Variants in PRKCA observed in about 807,000 individuals in gnomAD.
The protein encoded by PRKCA is protein kinase C alpha, also known as protein kinase C alpha type.
In PRKCA, 27 loss-of-function variants were observed where a neutral mutation model predicts 87.0. The ratio of observed to expected loss-of-function variants is 0.31; its 90% confidence interval spans 0.23 to 0.43. The LOEUF (loss-of-function observed/expected upper bound fraction) is 0.43. Among genes scored for constraint, PRKCA ranks in the 20% least tolerant of loss-of-function variants. The pLI is 1.00. For synonymous variants in PRKCA, 329 were observed against 311.1 expected, an observed-to-expected ratio of 1.06 and a Z score of -0.61; for missense variants, 518 against 852.3, an observed-to-expected ratio of 0.61 and a Z score of 4.88.
chr17:66,610,025 A>G (rs980228257), intron 3 of PRKCA, among the ~76,000 whole-genome samples: 10 of 151,962 alleles, frequency 6.6e-5, no homozygotes, highest in Admixed American at 1.3e-4. Flanking sequence ...GTCCGACAAG[A>G]TAAGGGTTCA....
At chr17:66,780,479 C>T (rs2144356405) in intron 14 of PRKCA, among the ~76,000 whole-genome samples, 1 of 152,200 alleles carries the variant, frequency 6.6e-6, no homozygotes, top group East Asian at 1.9e-4. Flanking sequence ...GTTTGTAGAC[C>T]AGCCTGGCCA....
At chr17:66,704,360 T>C (rs1973140542) in intron 8 of PRKCA, among the ~76,000 whole-genome samples, 7 of 152,214 alleles carry the variant, frequency 4.6e-5, no homozygotes, top group Admixed American at 4.6e-4. Context: ...TTAGAGTTGT[T>C]AGTGTACTAG....
chr17:66,428,233 T>C (rs1912915655), intron 2 of PRKCA, among the ~76,000 whole-genome samples: 1 of 152,180 alleles, frequency 6.6e-6, no homozygotes, highest in South Asian at 2.1e-4. Context: ...ATAGATTGAT[T>C]TGATGGCAGG....
intron 16 of PRKCA, among the ~76,000 whole-genome samples, chr17:66,797,363 A>G (rs1290395776): frequency 6.6e-6 from 1 of 152,244 alleles, no homozygotes; most frequent in African/African-American, 2.4e-5. Flanking sequence ...CATTCATTGA[A>G]GTTTGACCAA....
chr17:66,698,976 T>A (rs1464677382), intron 8 of PRKCA, among the ~76,000 whole-genome samples: 2 of 150,174 alleles, frequency 1.3e-5, no homozygotes, highest in East Asian at 3.9e-4. Context: ...CGAGACTGTC[T>A]TAAAAAAAAG....
chr17:66,384,157 G>A (rs370054368), intron 2 of PRKCA, among the ~76,000 whole-genome samples: 17 of 152,138 alleles, frequency 1.1e-4, no homozygotes, highest in African/African-American at 3.9e-4. Flanking sequence ...AAATATGAAC[G>A]AACAAACTTC....
rs532190794 is a variant in PRKCA, at chr17:66,757,206, C to T, written c.1524+14446C>T. ...GATATGGCAGTAAAAACTTCCAAAA[C>T]GGAAAAGCAAAGACTGAAAAAAAAA... On this transcript the variant is annotated intron_variant, in intron 13 of 16. Transcript: ENST00000413366. Among the ~76,000 whole-genome samples, 8 of 136,800 alleles carry T rather than the reference C, an allele frequency of 5.8e-5. No individual in the cohort carries two copies. In the East Asian group the frequency reaches 6.5e-4, roughly 11 times the overall value. 89.7% of individuals were successfully genotyped at this position (136,800 alleles called of 152,430 possible). A position where few individuals can be genotyped will look rare whatever the true frequency, so the allele number is the denominator to read the frequency against.
chr17:66,738,853 A>C lies in PRKCA; in HGVS notation c.1320A>C (p.Ala440=). The C allele has an allele frequency of 6.2e-7, 1 of 1,610,402 alleles. No individual in the cohort carries two copies. Among genetic ancestry groups the C allele is most frequent in the African/African-American group, 1.3e-5 (1 of 74,944 alleles). Residue 440 remains alanine (A), a splice_region_variant and synonymous_variant, in exon 11 of 17, where the codon GCA becomes GCC. Coordinates refer to ENST00000413366, the MANE Select transcript of PRKCA (RefSeq NM_002737.3). The stretch of plus-strand genomic sequence containing the variant: ...TAGGAAAATTTAAGGAACCACAAGC[A>C]GTGTGAGTATTATTTTTTAAGTCCT... ...QQVGKFKEPQ[A]VFYAAEISIG...
At chr17:66,388,783 C>G (rs1046771880) in intron 2 of PRKCA, among the ~76,000 whole-genome samples, 1 of 152,152 alleles carries the variant, frequency 6.6e-6, no homozygotes. Context: ...CACAAAGACC[C>G]AGGGTCGTGG....
intron 5 of PRKCA, chr17:66,676,854 C>T (rs1182407741): frequency 1.3e-5 from 2 of 152,070 alleles, no homozygotes; most frequent in African/African-American, 4.8e-5. Flanking sequence ...GGAGACACAC[C>T]CTCTCCCCCG....
At chr17:66,498,536 A>G (rs1916584113) in intron 3 of PRKCA, among the ~76,000 whole-genome samples, 1 of 152,092 alleles carries the variant, frequency 6.6e-6, no homozygotes. Flanking sequence ...AGAACCCATA[A>G]TGGGCCAAAG....
intron 3 of PRKCA, among the ~76,000 whole-genome samples, chr17:66,548,339 GA>G (rs1968211100): frequency 1.3e-5 from 2 of 152,126 alleles, no homozygotes; most frequent in African/African-American, 4.8e-5. Context: ...GCAGGAAGGA[GA>G]GGGGCAGAAA....
intron 5 of PRKCA, among the ~76,000 whole-genome samples, chr17:66,648,153 C>T (rs1343105344): frequency 6.6e-6 from 1 of 152,192 alleles, no homozygotes; most frequent in Admixed American, 6.5e-5. Flanking sequence ...GCTGTGTCCT[C>T]ACATGGTGCA....
rs1336954720 is a variant in PRKCA, at chr17:66,501,922, C to T, written c.288+5639C>T. On this transcript the variant is annotated intron_variant, in intron 3 of 16. Transcript: ENST00000413366. The stretch of plus-strand genomic sequence containing the variant: ...TTGGCTGCCATTGATTGCCTGCCTC[C>T]GTGGGCTGCTCTGGCCATGATGGGG... Among the ~76,000 whole-genome samples, 10 of 152,286 alleles carry T rather than the reference C, an allele frequency of 6.6e-5. No homozygotes were observed. The South Asian group carries it at 1.4e-3, about 22-fold the overall frequency.
rs140968880 is a variant in PRKCA, at chr17:66,498,690, A to G, written c.288+2407A>G. ...CACTGAGCAGGTTTCTCTAAGGGAC[A>G]TACTGCATTTAAACTGAGCTTGACG... On this transcript the variant is annotated intron_variant, in intron 3 of 16. Transcript: ENST00000413366. 2.2e-3 allele frequency among the ~76,000 whole-genome samples: 330 copies of G among 152,350 alleles called. 1 individual carries two copies. The highest frequency in any genetic ancestry group is 6.8e-3 in the Middle Eastern group (2 of 294).
At chr17:66,516,298 G>T (rs913473728) in intron 3 of PRKCA, among the ~76,000 whole-genome samples, 2 of 152,060 alleles carry the variant, frequency 1.3e-5, no homozygotes, top group African/African-American at 4.8e-5. Flanking sequence ...GTAAGCCATA[G>T]CATAGAGACC....
intron 2 of PRKCA, among the ~76,000 whole-genome samples, chr17:66,326,329 T>G (rs1047695054): frequency 6.6e-6 from 1 of 152,206 alleles, no homozygotes; most frequent in Admixed American, 6.5e-5. Flanking sequence ...AAATGTTGTC[T>G]TCCCTGCCCT....
intron 3 of PRKCA, chr17:66,640,937 C>G (rs1268250131): frequency 2.6e-6 from 1 of 381,054 alleles, no homozygotes; most frequent in Non-Finnish European, 5.1e-6. Context: ...AAGGCTGGTG[C>G]ATCACCTGAG....
chr17:66,800,152 A>G (rs1975867838), intron 16 of PRKCA, among the ~76,000 whole-genome samples: 1 of 152,158 alleles, frequency 6.6e-6, no homozygotes, highest in Admixed American at 6.5e-5. Flanking sequence ...TTATCTCTCC[A>G]CCGAAGTGAA....
Sources: gnomAD v4.1 joint callset for allele counts (sites outside exome capture counted in the v4.1 genomes callset) on GRCh38, gnomAD v4.1.1 for gene constraint, MANE v1.5 for transcripts, NCBI Gene and HGNC (gene_info 2026-07-23, HGNC 2026-07-21) for gene names.